ANKS1A: variants seen among roughly 807,000 people sequenced by gnomAD.
ANKS1A encodes the protein ankyrin repeat and SAM domain-containing protein 1A.
ANKS1A carries 55 observed loss-of-function variants against 120.3 expected under a neutral mutation model. The ratio of observed to expected loss-of-function variants is 0.46; its 90% confidence interval spans 0.37 to 0.57. The LOEUF (loss-of-function observed/expected upper bound fraction) is 0.57, where lower values mean the gene tolerates loss of function less well. ANKS1A is among the 20% of genes least tolerant of loss of function. The probability of loss-of-function intolerance (pLI) is 0.00; values close to 1 mark genes in which losing one functional copy is unlikely to be tolerated. For missense variants in ANKS1A, 1,123 were observed against 1,480.3 expected (o/e 0.76, Z 3.96); for synonymous variants, 590 against 604.7 (o/e 0.98, Z 0.36).
chr6:34,943,274 T>C, intron 1 of ANKS1A, among the ~76,000 whole-genome samples: 1 of 152,156 alleles, frequency 6.6e-6, no homozygotes, highest in East Asian at 1.9e-4. Flanking sequence ...TTTAGGTTTA[T>C]AGAAAAATTG....
chr6:35,056,608 C>G lies in ANKS1A; in HGVS notation c.2077+2443C>G, dbSNP rs562328620. Among the ~76,000 whole-genome samples, 14 of 152,284 alleles carry G rather than the reference C, an allele frequency of 9.2e-5. No homozygotes were observed. In the South Asian group the frequency reaches 2.9e-3, roughly 32 times the overall value. On this transcript the variant is annotated intron_variant, in intron 12 of 23. Coordinates refer to ENST00000360359, the MANE Select transcript of ANKS1A (RefSeq NM_015245.3). ...TGGCCCCACCTACCAGTTTTTGTCC[C>G]CCGTGAACCCATATGAGTGTTGAGA...
Position 35,090,780 on chromosome 6 carries a change from T to C in ANKS1A, c.*2171T>C. On this transcript the variant is annotated 3_prime_UTR_variant, in exon 24 of 24. Transcript: ENST00000360359. Reference sequence around the variant, plus strand: ...CAGGGGCAGACCCTGTCGCTGCGTTTCTGAACTGTGAAGGAGCCCATTCGG... The same window carrying C: ...CAGGGGCAGACCCTGTCGCTGCGTTCCTGAACTGTGAAGGAGCCCATTCGG... 4 of 986,128 alleles carry C rather than the reference T, an allele frequency of 4.1e-6. No homozygotes were observed. Among genetic ancestry groups the C allele is most frequent in the Non-Finnish European group, 4.8e-6 (4 of 830,478 alleles). The allele number at this position is 986,128 out of a possible 1,614,324, so 61.1% of individuals were successfully genotyped here.
chr6:34,939,221 T>C (rs1769410488), intron 1 of ANKS1A, among the ~76,000 whole-genome samples: 1 of 152,176 alleles, frequency 6.6e-6, no homozygotes, highest in Non-Finnish European at 1.5e-5. Flanking sequence ...TAGGAGCCCT[T>C]CCCTACAGGG....
At chr6:34,925,160 G>GT (rs1031194040) in intron 1 of ANKS1A, among the ~76,000 whole-genome samples, 1 of 152,040 alleles carries the variant, frequency 6.6e-6, no homozygotes, top group Non-Finnish European at 1.5e-5. Flanking sequence ...TTAACATCTT[G>GT]TTTTTTTAGG....
intron 11 of ANKS1A, among the ~76,000 whole-genome samples, chr6:35,018,578 C>T (rs1378372259): frequency 1.3e-5 from 2 of 151,834 alleles, no homozygotes; most frequent in African/African-American, 4.8e-5. Flanking sequence ...GGTACATGTG[C>T]AGGTTTGTTA....
Position 35,078,783 on chromosome 6 carries a change from C to T in ANKS1A, c.2283+127C>T. 7.2e-6 allele frequency: 6 copies of T among 834,960 alleles called. No individual in the cohort carries two copies. In the South Asian group the frequency reaches 8.0e-5, roughly 11 times the overall value. 51.7% of individuals were successfully genotyped at this position (834,960 alleles called of 1,614,324 possible). A position where few individuals can be genotyped will look rare whatever the true frequency, so the allele number is the denominator to read the frequency against. On this transcript the variant is annotated intron_variant, in intron 14 of 23. Coordinates refer to ENST00000360359, the MANE Select transcript of ANKS1A (RefSeq NM_015245.3). The stretch of plus-strand genomic sequence containing the variant: ...CGCACATCATAGCAGGACCTCTACC[C>T]CTCACCCTAGGAGCTCCGGAAGGGC...
rs535459528 is a variant in ANKS1A, at chr6:35,048,714, C to T, written c.2011-5385C>T. On this transcript the variant is annotated intron_variant, in intron 11 of 23. Transcript: ENST00000360359. ...CAGAAGACAGAGATGGTGATGAATT[C>T]TTATGTGGTTTCTGGGCCTGAGAGT... 2.9e-4 allele frequency among the ~76,000 whole-genome samples: 44 copies of T among 152,286 alleles called. No individual in the cohort carries two copies. In the East Asian group the frequency reaches 7.7e-3, roughly 27 times the overall value.
intron 1 of ANKS1A, 146 bp from the exon 2 acceptor site, chr6:34,967,093 T>C: frequency 1.5e-6 from 1 of 687,122 alleles, no homozygotes. Flanking sequence ...GTATAGCTGC[T>C]GTGTGTTATC....
At chr6:35,094,863 G>A (rs931688714), downstream of ANKS1A, among the ~76,000 whole-genome samples, 4 of 152,152 alleles carry the variant, frequency 2.6e-5, no homozygotes, top group Non-Finnish European at 2.9e-5. Flanking sequence ...ACTCGAGGCC[G>A]GGTATTGTGG....
In ANKS1A at chr6:35,085,012, C is replaced by T. The variant is rs1055300808; in HGVS notation, c.3132+754C>T. Among the ~76,000 whole-genome samples, 5 of 152,194 alleles carry T rather than the reference C, an allele frequency of 3.3e-5. No homozygotes were observed. The highest frequency in any genetic ancestry group is 4.8e-5 in the African/African-American group (2 of 41,446). On this transcript the variant is annotated intron_variant, in intron 21 of 23. Transcript: ENST00000360359. This position sits in a 1 kb window ranked among gnomAD's most constrained non-coding sequence, Gnocchi z 4.7. ...CAGGGATAGCAGCTGCTTCCAGAAT[C>T]TCTGTGGCTCCTGGAATACAGGCAG...
chr6:34,952,683 A>C (rs190741623), intron 1 of ANKS1A, among the ~76,000 whole-genome samples: 178 of 152,316 alleles, frequency 1.2e-3, no homozygotes, highest in African/African-American at 4.1e-3. Context: ...TTACCCAATA[A>C]ATAACTTCGA....
At chr6:35,094,415 G>A (rs1490981810), downstream of ANKS1A, among the ~76,000 whole-genome samples, 1 of 150,532 alleles carries the variant, frequency 6.6e-6, no homozygotes, top group Non-Finnish European at 1.5e-5. Flanking sequence ...ACTCTAGCCT[G>A]GGCAAAAGAG....
chr6:34,955,536 G>C (rs1384013597), intron 1 of ANKS1A, among the ~76,000 whole-genome samples: 1 of 152,126 alleles, frequency 6.6e-6, no homozygotes, highest in African/African-American at 2.4e-5. Context: ...TACATCAGTT[G>C]ATCATGTTGG....
rs185190660 is a variant in ANKS1A, at chr6:35,067,117, G to A, written c.2184+6864G>A. ...CCTCGCCCCAGGTGGGTGACTGCACGCAGGCCTCAGGGAGCATGGCTTCTA... is the reference window on the plus strand; with the variant it reads ...CCTCGCCCCAGGTGGGTGACTGCACACAGGCCTCAGGGAGCATGGCTTCTA... On this transcript the variant is annotated intron_variant, in intron 13 of 23. Transcript: ENST00000360359. Among the ~76,000 whole-genome samples the A allele has an allele frequency of 1.3e-4, 20 of 152,282 alleles. No homozygotes were observed. The East Asian group carries it at 3.7e-3, about 28-fold the overall frequency.
Position 34,983,285 on chromosome 6 carries a change from C to T in ANKS1A, c.911-39C>T. ...TGAACCAAGGCATTTGTATTTGGTGCAGCACTTTTTATTTTTATTTTTTGA... is the reference window on the plus strand; with the variant it reads ...TGAACCAAGGCATTTGTATTTGGTGTAGCACTTTTTATTTTTATTTTTTGA... On this transcript the variant is annotated intron_variant, in intron 6 of 23. Coordinates refer to ENST00000360359, the MANE Select transcript of ANKS1A (RefSeq NM_015245.3). 1.9e-6 allele frequency: 3 copies of T among 1,609,372 alleles called. No homozygotes were observed. In the South Asian group the frequency reaches 3.3e-5, roughly 18 times the overall value.
In ANKS1A at chr6:34,889,662, G is replaced by A. The variant is rs1766699962; in HGVS notation, c.197+63G>A. 3 of 1,239,616 alleles carry A rather than the reference G, an allele frequency of 2.4e-6. No individual in the cohort carries two copies. The South Asian group carries it at 1.1e-4, about 46-fold the overall frequency. 76.8% of individuals were successfully genotyped at this position (1,239,616 alleles called of 1,614,324 possible). A position where few individuals can be genotyped will look rare whatever the true frequency, so the allele number is the denominator to read the frequency against. ...CCTTTCTCCCCCACCCGTCTCTTGG[G>A]TCCCCAGAGAGATCGGGGGTCCTGA... On this transcript the variant is annotated intron_variant, in intron 1 of 23. Coordinates refer to ENST00000360359, the MANE Select transcript of ANKS1A (RefSeq NM_015245.3). The surrounding 1 kb of genome is among the most constrained non-coding windows in gnomAD (Gnocchi z 5.5).
intron 23 of ANKS1A, among the ~76,000 whole-genome samples, 179 bp downstream of exon 23, chr6:35,087,228 T>C (rs1778043374): frequency 6.6e-6 from 1 of 151,826 alleles, no homozygotes; most frequent in African/African-American, 2.4e-5. Context: ...GCTGTACACT[T>C]GCAGCTCTCG....
At position 34,994,302 on chromosome 6, in the gene ANKS1A, G is replaced by C. The variant is rs1465014836; in HGVS notation, c.1303G>C (p.Val435Leu). ...KKYFPLTASEVLSMRPRIHGS... is the reference protein window; with the variant it reads ...KKYFPLTASELLSMRPRIHGS... ...TACACTGGATGTTTCTCTCCCTTAG[G>C]TTCTGTCCATGAGACCTAGGATTCA... Residue 435 changes from valine (V) to leucine (L), a missense_variant and splice_region_variant, in exon 10 of 24, where the codon GTT becomes CTT. Val to Leu is a conservative substitution (Grantham distance 32). Transcript: ENST00000360359. 4 of 1,612,914 alleles carry C rather than the reference G, an allele frequency of 2.5e-6. No individual in the cohort carries two copies. Among genetic ancestry groups the C allele is most frequent in the Non-Finnish European group, 3.4e-6 (4 of 1,179,290 alleles).
intron 11 of ANKS1A, among the ~76,000 whole-genome samples, chr6:35,032,952 C>G (rs544525173): frequency 2.7e-4 from 41 of 152,276 alleles, no homozygotes; most frequent in East Asian, 1.9e-4. Context: ...CTAAAACAAG[C>G]TGGTTCGGAA....
Sources: gnomAD v4.1 joint callset for allele counts (sites outside exome capture counted in the v4.1 genomes callset) on GRCh38, gnomAD v4.1.1 for gene constraint, Gnocchi (gnomAD v3.1) non-coding constraint, MANE v1.5 for transcripts, NCBI Gene and HGNC (gene_info 2026-07-23, HGNC 2026-07-21) for gene names.